The following SYT1 variants were observed in gnomAD, a reference collection of about 807,000 sequenced individuals.
SYT1 encodes synaptotagmin-1.
A neutral mutation model predicts 44.8 loss-of-function variants in SYT1; 8 were observed. That is an observed-to-expected ratio of 0.18 (90% CI 0.10 to 0.32). The LOEUF (loss-of-function observed/expected upper bound fraction) is 0.32. SYT1 is among the 10% of genes least tolerant of loss of function. The pLI is 1.00. For synonymous variants in SYT1, 154 were observed against 188.8 expected (o/e 0.82, Z 1.51); for missense variants, 286 against 509.3 (o/e 0.56, Z 4.22).
At chr12:79,085,384 C>CA (rs1223090087) in intron 3 of SYT1, among the ~76,000 whole-genome samples, 4 of 152,080 alleles carry the variant, frequency 2.6e-5, no homozygotes, top group Admixed American at 2.6e-4. Flanking sequence ...TCAGCCTATA[C>CA]AAAAATGACT....
intron 1 of SYT1, among the ~76,000 whole-genome samples, chr12:78,899,236 G>C (rs373605382): frequency 6.6e-6 from 1 of 151,948 alleles, no homozygotes; most frequent in East Asian, 1.9e-4. Context: ...TGTTTTTAGT[G>C]TAGGGAACTT....
intron 1 of SYT1, among the ~76,000 whole-genome samples, chr12:78,964,814 T>G (rs1879687627): frequency 6.6e-6 from 1 of 152,154 alleles, no homozygotes; most frequent in Non-Finnish European, 1.5e-5. Context: ...GAGCCTCAAA[T>G]GCTGATAACT....
intron 8 of SYT1, among the ~76,000 whole-genome samples, chr12:79,307,871 G>A (rs1880490665): frequency 6.6e-6 from 1 of 152,220 alleles, no homozygotes; most frequent in South Asian, 2.1e-4. Flanking sequence ...GGCAGCTGCT[G>A]TGATTACCTG....
intron 3 of SYT1, among the ~76,000 whole-genome samples, chr12:79,146,010 G>T (rs1277330669): frequency 4.6e-5 from 7 of 152,104 alleles, no homozygotes; most frequent in Admixed American, 2.6e-4. Flanking sequence ...GCCCGCCTCG[G>T]CCTCCCAAAG....
intron 4 of SYT1, among the ~76,000 whole-genome samples, chr12:79,220,791 A>C (rs1398368107): frequency 6.6e-6 from 1 of 152,132 alleles, no homozygotes; most frequent in Non-Finnish European, 1.5e-5. Flanking sequence ...TCAGAAAAAA[A>C]TAACTTGATA....
intron 4 of SYT1, among the ~76,000 whole-genome samples, chr12:79,256,660 T>C (rs752405247): frequency 6.6e-6 from 1 of 152,158 alleles, no homozygotes; most frequent in Non-Finnish European, 1.5e-5. Context: ...TGAAGGGAGA[T>C]ACACTACTAA....
chr12:79,157,877 G>A (rs942847092), intron 3 of SYT1, among the ~76,000 whole-genome samples: 2 of 152,048 alleles, frequency 1.3e-5, no homozygotes, highest in Admixed American at 1.3e-4. Context: ...AGCACAGAGA[G>A]GTTAAGTGAC....
At chr12:79,106,825 CAA>C (rs1361634703) in intron 3 of SYT1, among the ~76,000 whole-genome samples, 1 of 151,986 alleles carries the variant, frequency 6.6e-6, no homozygotes, top group African/African-American at 2.4e-5. Flanking sequence ...GGGGTTATCA[CAA>C]AGTCTTTTTT....
chr12:79,148,586 T>C (rs1055944602), intron 3 of SYT1, among the ~76,000 whole-genome samples: 1 of 152,144 alleles, frequency 6.6e-6, no homozygotes, highest in African/African-American at 2.4e-5. Context: ...TGATATATCA[T>C]TGAGAATATC....
chr12:79,395,098 G>A (rs1593030234), intron 9 of SYT1, among the ~76,000 whole-genome samples: 1 of 152,148 alleles, frequency 6.6e-6, no homozygotes, highest in Non-Finnish European at 1.5e-5. Flanking sequence ...AAAGAGGAAG[G>A]GAAAGAGGTA....
intron 1 of SYT1, among the ~76,000 whole-genome samples, chr12:78,974,496 GTA>G (rs1868666458): frequency 6.6e-6 from 1 of 151,878 alleles, no homozygotes; most frequent in African/African-American, 2.4e-5. Flanking sequence ...GAGTGCAGTG[GTA>G]CGATCTCAGC....
intron 2 of SYT1, among the ~76,000 whole-genome samples, chr12:79,005,585 T>C (rs1317822249): frequency 6.6e-6 from 1 of 152,090 alleles, no homozygotes; most frequent in East Asian, 1.9e-4. Context: ...AGAAGTGATT[T>C]TATTATTTTT....
intron 1 of SYT1, among the ~76,000 whole-genome samples, chr12:78,972,857 T>C (rs1868477860): frequency 6.6e-6 from 1 of 152,146 alleles, no homozygotes; most frequent in African/African-American, 2.4e-5. Flanking sequence ...GACAGTCTGC[T>C]ATCTGCATTT....
Position 78,943,291 on chromosome 12 carries a change from C to T in SYT1, c.-216-34508C>T, listed in dbSNP as rs2137260704. Among the ~76,000 whole-genome samples the T allele has an allele frequency of 1.3e-5, 2 of 152,200 alleles. 1 individual carries two copies. The highest frequency in any genetic ancestry group is 6.8e-3 in the Middle Eastern group (2 of 294). ...GAAAAGAATTTAATAGGTTCATGGG[C>T]CCGCAGGCTTTATAAGAAGCATGGT... On this transcript the variant is annotated intron_variant, in intron 1 of 10. Coordinates refer to ENST00000261205, the MANE Select transcript of SYT1 (RefSeq NM_005639.3).
Position 79,285,768 on chromosome 12 carries a change from C to G in SYT1, c.167-19C>G. The G allele has an allele frequency of 6.3e-7, 1 of 1,575,238 alleles. No homozygotes were observed. The highest frequency in any genetic ancestry group is 8.6e-7 in the Non-Finnish European group (1 of 1,157,630). ...ATCTAAGTGTTGTATGACTAGTGCT[C>G]TCTGTGTGTTTCTTTCAGTGCCACC... On this transcript the variant is annotated intron_variant, in intron 4 of 10. Transcript: ENST00000261205.
At chr12:79,421,728 T>G (rs1470776075) in intron 9 of SYT1, among the ~76,000 whole-genome samples, 3 of 151,702 alleles carry the variant, frequency 2.0e-5, no homozygotes, top group South Asian at 2.1e-4. Context: ...TTTTTTATTG[T>G]TGGTGGTGGT....
At chr12:79,079,838 G>A (rs959569498) in intron 3 of SYT1, among the ~76,000 whole-genome samples, 3 of 152,026 alleles carry the variant, frequency 2.0e-5, no homozygotes, top group Non-Finnish European at 4.4e-5. Context: ...TGTTAACATT[G>A]AATAGATCCA....
chr12:79,245,333 G>A (rs2138669659), intron 4 of SYT1, among the ~76,000 whole-genome samples: 1 of 150,032 alleles, frequency 6.7e-6, no homozygotes, highest in Admixed American at 6.6e-5. Context: ...AAATTAGCCA[G>A]GCATGTTAGC....
At chr12:79,323,409 C>T (rs928485254) in intron 8 of SYT1, among the ~76,000 whole-genome samples, 1 of 152,118 alleles carries the variant, frequency 6.6e-6, no homozygotes, top group African/African-American at 2.4e-5. Flanking sequence ...AATGGAAAGT[C>T]GGATAAATGT....
Sources: allele counts gnomAD v4.1 joint callset (sites outside exome capture counted in the v4.1 genomes callset), GRCh38; gene constraint gnomAD v4.1.1; transcripts MANE v1.5; gene names NCBI Gene and HGNC (gene_info 2026-07-23, HGNC 2026-07-21).